Variants in DLG2 observed in about 807,000 individuals in gnomAD.
DLG2 encodes the protein discs large MAGUK scaffold protein 2.
Under a neutral mutation model 132.5 loss-of-function variants are expected in DLG2, and 45 were observed. That is an observed-to-expected ratio of 0.34 (90% CI 0.27 to 0.44). The LOEUF is 0.44. DLG2 is among the 20% of genes least tolerant of loss of function. The probability of loss-of-function intolerance (pLI) is 1.00; values close to 1 mark genes in which losing one functional copy is unlikely to be tolerated. For synonymous variants in DLG2, 424 were observed against 419.6 expected (o/e 1.01, Z -0.13); for missense variants, 1,045 against 1,196.9 (o/e 0.87, Z 1.87).
chr11:83,990,665 A>G (rs1440562026), intron 11 of DLG2, among the ~76,000 whole-genome samples: 1 of 152,120 alleles, frequency 6.6e-6, no homozygotes, highest in Non-Finnish European at 1.5e-5. Flanking sequence ...GTAGAGAACT[A>G]AGCCCCATGA....
chr11:84,051,280 A>T (rs2096372924), intron 11 of DLG2, among the ~76,000 whole-genome samples: 1 of 151,946 alleles, frequency 6.6e-6, no homozygotes, highest in African/African-American at 2.4e-5. Context: ...CTGGGTATAT[A>T]CCCAAAGGAT....
chr11:85,130,885 T>A (rs1327818112), intron 5 of DLG2, among the ~76,000 whole-genome samples: 1 of 152,188 alleles, frequency 6.6e-6, no homozygotes, highest in East Asian at 1.9e-4. Context: ...TTCACCTATG[T>A]CCAGCTTTTG....
At chr11:84,062,315 C>A (rs776646373) in intron 10 of DLG2, among the ~76,000 whole-genome samples, 2 of 152,056 alleles carry the variant, frequency 1.3e-5, no homozygotes, top group Non-Finnish European at 2.9e-5. Context: ...ACTTCAGTAT[C>A]CCATAAAAGG....
At chr11:84,193,699 G>A (rs1259516094) in intron 8 of DLG2, among the ~76,000 whole-genome samples, 3 of 152,146 alleles carry the variant, frequency 2.0e-5, no homozygotes, top group African/African-American at 7.2e-5. Flanking sequence ...CTACAGTCTG[G>A]TACAGGTCAA....
intron 6 of DLG2, among the ~76,000 whole-genome samples, chr11:85,101,166 A>G (rs2070785226): frequency 6.6e-6 from 1 of 152,032 alleles, no homozygotes; most frequent in South Asian, 2.1e-4. Flanking sequence ...GTCAGATGCC[A>G]TTTCTCTTGA....
chr11:83,787,383 G>A (rs892467657), intron 17 of DLG2, among the ~76,000 whole-genome samples: 7 of 140,088 alleles, frequency 5.0e-5, no homozygotes, highest in South Asian at 4.7e-4. Flanking sequence ...GTGCAGTGAC[G>A]CGATCTCTGC....
At chr11:84,922,028 A>G (rs938085360) in intron 6 of DLG2, among the ~76,000 whole-genome samples, 5 of 152,200 alleles carry the variant, frequency 3.3e-5, no homozygotes, top group Admixed American at 2.0e-4. Flanking sequence ...TTGAAATTCA[A>G]ATAGAAAACA....
intron 3 of DLG2, among the ~76,000 whole-genome samples, chr11:85,408,342 G>C (rs1306145194): frequency 6.7e-6 from 1 of 150,364 alleles, no homozygotes; most frequent in East Asian, 2.0e-4. Flanking sequence ...CATTTGGGTG[G>C]GCAGAATTGG....
chr11:83,472,698 T>C (rs753659806), intron 23 of DLG2, 29 bp downstream of exon 23: 20 of 1,604,276 alleles, frequency 1.2e-5, no homozygotes, highest in Non-Finnish European at 1.6e-5. Flanking sequence ...GCCCAGAAAT[T>C]AGGAATGAAA....
At chr11:84,817,445 G>A (rs2077197459) in intron 6 of DLG2, among the ~76,000 whole-genome samples, 1 of 151,914 alleles carries the variant, frequency 6.6e-6, no homozygotes. Context: ...AAGAGCTCTA[G>A]ATGTGCCCAG....
intron 3 of DLG2, among the ~76,000 whole-genome samples, chr11:85,377,803 A>ATATGTG (rs35141583): frequency 0.01 from 1,376 of 131,300 alleles, 7 homozygotes; most frequent in Middle Eastern, 0.02. Flanking sequence ...ATATATATAT[A>ATATGTG]TGTGTGTGTG....
chr11:85,279,221 T>C (rs1409927266), intron 4 of DLG2, among the ~76,000 whole-genome samples: 3 of 152,078 alleles, frequency 2.0e-5, no homozygotes, highest in Non-Finnish European at 4.4e-5. Context: ...GCTGAAGTTA[T>C]GAAGAAAAAA....
intron 3 of DLG2, among the ~76,000 whole-genome samples, chr11:85,406,708 T>C (rs373465841): frequency 2.6e-5 from 4 of 152,064 alleles, no homozygotes; most frequent in African/African-American, 7.2e-5. Context: ...CAAATATTTA[T>C]TGAGGCCACT....
At chr11:84,923,822 C>T (rs545798012) in intron 6 of DLG2, among the ~76,000 whole-genome samples, 44 of 152,248 alleles carry the variant, frequency 2.9e-4, no homozygotes, top group South Asian at 2.1e-3. Flanking sequence ...TGAGAAGTAC[C>T]ACCTTCTCCT....
At chr11:84,193,497 G>C (rs549481978) in intron 8 of DLG2, among the ~76,000 whole-genome samples, 76 of 152,168 alleles carry the variant, frequency 5.0e-4, no homozygotes, top group Non-Finnish European at 9.6e-4. Flanking sequence ...ATAAATAATG[G>C]AGAAGTGTTC....
At chr11:84,067,346 A>T (rs1445031198) in intron 10 of DLG2, among the ~76,000 whole-genome samples, 1 of 152,100 alleles carries the variant, frequency 6.6e-6, no homozygotes, top group Non-Finnish European at 1.5e-5. Flanking sequence ...AACAAAACAA[A>T]ACAAAACAAA....
chr11:84,717,121 G>A (rs1009269512), intron 6 of DLG2, among the ~76,000 whole-genome samples: 1 of 152,036 alleles, frequency 6.6e-6, no homozygotes, highest in South Asian at 2.1e-4. Flanking sequence ...GATAATTAGA[G>A]CAAACAGTTT....
At chr11:84,903,018 T>A (rs10898321) in intron 6 of DLG2, among the ~76,000 whole-genome samples, 70,820 of 151,874 alleles carry the variant, frequency 0.47, 17,173 homozygotes, top group South Asian at 0.61. Context: ...AGCATTACAA[T>A]AGCTTCTTAA....
intron 7 of DLG2, among the ~76,000 whole-genome samples, chr11:84,336,608 CT>C (rs1231214329): frequency 6.6e-6 from 1 of 152,150 alleles, no homozygotes; most frequent in African/African-American, 2.4e-5. Context: ...ATTTTCTTGG[CT>C]CTCACAAGCT....
Sources: allele counts gnomAD v4.1 joint callset (sites outside exome capture counted in the v4.1 genomes callset), GRCh38; gene constraint gnomAD v4.1.1; transcripts MANE v1.5; gene names NCBI Gene and HGNC (gene_info 2026-07-23, HGNC 2026-07-21).